Variants in NUBPL observed in about 807,000 individuals in gnomAD.
NUBPL encodes NUBP iron-sulfur cluster assembly factor, mitochondrial.
A neutral mutation model predicts 45.7 loss-of-function variants in NUBPL; 31 were observed. The ratio of observed to expected loss-of-function variants is 0.68; its 90% confidence interval spans 0.51 to 0.92. The LOEUF is 0.92. Among genes scored for constraint, NUBPL ranks in the 40% least tolerant of loss-of-function variants. The pLI is 0.00. For missense variants in NUBPL, 401 were observed against 398.7 expected (o/e 1.01, Z -0.05); for synonymous variants, 144 against 140.9 (o/e 1.02, Z -0.15).
chr14:31,828,136 G>A (rs561198760), intron 8 of NUBPL, among the ~76,000 whole-genome samples: 34 of 152,130 alleles, frequency 2.2e-4, no homozygotes, highest in Non-Finnish European at 4.3e-4. Flanking sequence ...GTTCTATGTC[G>A]TGAACTTTAG....
chr14:31,605,742 T>C (rs1480780575), intron 4 of NUBPL, among the ~76,000 whole-genome samples: 1 of 151,758 alleles, frequency 6.6e-6, no homozygotes, highest in East Asian at 1.9e-4. Flanking sequence ...CTTCTTCTTC[T>C]TCTTCCTTCC....
chr14:31,596,795 TTC>T (rs1162806999), intron 3 of NUBPL, among the ~76,000 whole-genome samples: 1 of 152,224 alleles, frequency 6.6e-6, no homozygotes, highest in Non-Finnish European at 1.5e-5. Flanking sequence ...GTTTCTGGCT[TTC>T]TCATTCATGA....
intron 4 of NUBPL, among the ~76,000 whole-genome samples, chr14:31,669,574 C>CCT: frequency 6.6e-6 from 1 of 151,808 alleles, no homozygotes; most frequent in Admixed American, 6.6e-5. Context: ...AGATATTAAA[C>CCT]CTAGTACTCA....
At chr14:31,817,029 G>A (rs546025792) in intron 7 of NUBPL, among the ~76,000 whole-genome samples, 2 of 152,066 alleles carry the variant, frequency 1.3e-5, no homozygotes, top group Admixed American at 6.6e-5. Context: ...ACTTCGTGAA[G>A]CATTCACAGG....
chr14:31,681,798 G>A (rs1474554363), intron 6 of NUBPL, among the ~76,000 whole-genome samples: 12 of 151,646 alleles, frequency 7.9e-5, no homozygotes, highest in Non-Finnish European at 1.2e-4. Context: ...AAATATTTTT[G>A]GTATGTTGTT....
At chr14:31,752,925 CAGAG>C (rs919111006) in intron 6 of NUBPL, among the ~76,000 whole-genome samples, 3 of 152,080 alleles carry the variant, frequency 2.0e-5, no homozygotes, top group Non-Finnish European at 4.4e-5. Flanking sequence ...TGGCAATAAA[CAGAG>C]AGAGAGAAGG....
intron 3 of NUBPL, among the ~76,000 whole-genome samples, chr14:31,576,899 G>A (rs1373156901): frequency 1.3e-5 from 2 of 152,184 alleles, no homozygotes. Flanking sequence ...CTTTTGCATG[G>A]CTGTTCCATG....
At chr14:31,807,094 G>C (rs955756520) in intron 7 of NUBPL, among the ~76,000 whole-genome samples, 7 of 152,308 alleles carry the variant, frequency 4.6e-5, no homozygotes, top group Non-Finnish European at 1.0e-4. Context: ...GTGTGCATGT[G>C]TCTTTATAGC....
chr14:31,726,363 C>A (rs2037924706), intron 6 of NUBPL, among the ~76,000 whole-genome samples: 1 of 152,116 alleles, frequency 6.6e-6, no homozygotes, highest in African/African-American at 2.4e-5. Context: ...TTTTTTATGA[C>A]CCAAGAGAGC....
chr14:31,689,460 A>G (rs1335022833), intron 6 of NUBPL, among the ~76,000 whole-genome samples: 3 of 152,044 alleles, frequency 2.0e-5, no homozygotes, highest in African/African-American at 7.2e-5. Flanking sequence ...TTGGCTACAC[A>G]TATGTCTTCT....
At chr14:31,850,678 T>C (rs1254259442) in intron 10 of NUBPL, among the ~76,000 whole-genome samples, 4 of 152,126 alleles carry the variant, frequency 2.6e-5, no homozygotes, top group Non-Finnish European at 5.9e-5. Flanking sequence ...TGGAGTACAA[T>C]TGTGCGATCC....
chr14:31,798,253 T>G (rs902721378), intron 7 of NUBPL, among the ~76,000 whole-genome samples: 2 of 152,086 alleles, frequency 1.3e-5, no homozygotes, highest in African/African-American at 2.4e-5. Context: ...GCATTTTATT[T>G]TATTTCCCCT....
chr14:31,591,408 C>T (rs1051134176), intron 3 of NUBPL, among the ~76,000 whole-genome samples: 15 of 152,070 alleles, frequency 9.9e-5, no homozygotes, highest in East Asian at 3.9e-4. Flanking sequence ...ATGATCCTCC[C>T]GCCTCAGCCT....
intron 6 of NUBPL, among the ~76,000 whole-genome samples, chr14:31,738,630 CAACAT>C (rs1290018187): frequency 6.6e-6 from 1 of 152,074 alleles, no homozygotes; most frequent in Non-Finnish European, 1.5e-5. Context: ...CTTTAAATTC[CAACAT>C]AAAACAAAAG....
chr14:31,722,756 A>T (rs1347621085), intron 6 of NUBPL, among the ~76,000 whole-genome samples: 2 of 151,926 alleles, frequency 1.3e-5, no homozygotes, highest in Non-Finnish European at 2.9e-5. Context: ...GTGTCTGTTC[A>T]TGTCCTTTGC....
intron 3 of NUBPL, among the ~76,000 whole-genome samples, chr14:31,575,384 G>C (rs1269552910): frequency 2.6e-5 from 4 of 152,068 alleles, no homozygotes; most frequent in Admixed American, 2.6e-4. Context: ...CTTGATTCTG[G>C]CTCTGCCTCC....
At chr14:31,647,052 T>G (rs909897807) in intron 4 of NUBPL, among the ~76,000 whole-genome samples, 14 of 152,228 alleles carry the variant, frequency 9.2e-5, no homozygotes, top group Non-Finnish European at 1.0e-4. Context: ...TCTGCTTGAT[T>G]TATTTTTAAT....
intron 7 of NUBPL, among the ~76,000 whole-genome samples, chr14:31,797,986 A>G (rs548302340): frequency 2.1e-5 from 3 of 145,348 alleles, no homozygotes; most frequent in Non-Finnish European, 4.5e-5. Flanking sequence ...TTTCTCCTTC[A>G]CTTATGAAGC....
At chr14:31,666,880 C>A (rs1233865829) in intron 4 of NUBPL, among the ~76,000 whole-genome samples, 1 of 152,052 alleles carries the variant, frequency 6.6e-6, no homozygotes, top group Non-Finnish European at 1.5e-5. Context: ...AATGTTGGCC[C>A]CTACTCTCTT....
Sources: allele counts gnomAD v4.1 joint callset (sites outside exome capture counted in the v4.1 genomes callset), GRCh38; gene constraint gnomAD v4.1.1; transcripts MANE v1.5; gene names NCBI Gene and HGNC (gene_info 2026-07-23, HGNC 2026-07-21).